Variants in TMIE observed in about 807,000 individuals in gnomAD.
The protein encoded by TMIE is transmembrane inner ear expressed protein.
In TMIE, 14 loss-of-function variants were observed where a neutral mutation model predicts 16.8. That is an observed-to-expected ratio of 0.83 (90% CI 0.55 to 1.30). The LOEUF (loss-of-function observed/expected upper bound fraction) is 1.30. Ranked by LOEUF, TMIE falls within the 50% of genes most tolerant of loss-of-function variation. TMIE has a pLI of 0.00. For missense variants in TMIE, 204 were observed against 205.9 expected, an observed-to-expected ratio of 0.99 and a Z score of 0.06; for synonymous variants, 75 against 87.2, an observed-to-expected ratio of 0.86 and a Z score of 0.78.
intron 1 of TMIE, among the ~76,000 whole-genome samples, chr3:46,705,459 C>T (rs1700539283): frequency 6.6e-6 from 1 of 152,188 alleles, no homozygotes; most frequent in South Asian, 2.1e-4. Flanking sequence ...ACCCCATCTG[C>T]CTGGGTGGAG....
chr3:46,694,421 G>C (rs1447133175), upstream of TMIE: 1 of 152,420 alleles, frequency 6.6e-6, no homozygotes, highest in East Asian at 1.9e-4. Flanking sequence ...CCCGTCAGCA[G>C]CCTGATTCCC....
At chr3:46,701,268 G>T, upstream of TMIE, 1 of 439,464 alleles carries the variant, frequency 2.3e-6, no homozygotes, top group Non-Finnish European at 4.0e-6. The surrounding 1 kb of genome is among the most constrained non-coding windows in gnomAD (Gnocchi z 4.3). Flanking sequence ...CAGGGAGGGG[G>T]AGCCTGCGGC....
At chr3:46,708,218 T>G (rs1026525140) in intron 2 of TMIE, among the ~76,000 whole-genome samples, 1 of 152,198 alleles carries the variant, frequency 6.6e-6, no homozygotes, top group South Asian at 2.1e-4. Flanking sequence ...CTGACTTGGT[T>G]GCATAAAATG....
chr3:46,709,542 C>A, intron 3 of TMIE, 37 bp from the exon 4 acceptor site: 1 of 1,613,736 alleles, frequency 6.2e-7, no homozygotes, highest in Non-Finnish European at 8.5e-7. Context: ...GACCTTGTCT[C>A]ACCACTATCA....
At chr3:46,708,538 G>C (rs1319335745) in intron 2 of TMIE, among the ~76,000 whole-genome samples, 1 of 152,260 alleles carries the variant, frequency 6.6e-6, no homozygotes, top group African/African-American at 2.4e-5. Context: ...GCTGCCCTCA[G>C]CCGGAAAACC....
chr3:46,697,353 G>A (rs1391049608), upstream of TMIE, among the ~76,000 whole-genome samples: 1 of 152,168 alleles, frequency 6.6e-6, no homozygotes, highest in Admixed American at 6.5e-5. Flanking sequence ...CCCCAGAGAG[G>A]GTCCTGCCCT....
In TMIE at chr3:46,701,495, G is replaced by C; in HGVS notation, c.8G>C (p.Gly3Ala). 3 of 1,348,298 alleles carry C rather than the reference G, an allele frequency of 2.2e-6. No homozygotes were observed. The highest frequency in any genetic ancestry group is 2.8e-6 in the Non-Finnish European group (3 of 1,053,848). 83.5% of individuals were successfully genotyped at this position (1,348,298 alleles called of 1,614,324 possible). A position where few individuals can be genotyped will look rare whatever the true frequency, so the allele number is the denominator to read the frequency against. The change falls in exon 1 of 4, where the codon GGG becomes GCG. Residue 3 changes from glycine (G) to alanine (A), a missense_variant. By Grantham distance (60) the Gly-to-Ala change is moderately conservative. Transcript: ENST00000643606. The surrounding 1 kb of genome is among the most constrained non-coding windows in gnomAD (Gnocchi z 4.3). MA[G>A]WPGAGPLCVL... ...CGGCGCGGTGGCACGAAGATGGCGG[G>C]GTGGCCGGGCGCGGGTCCCCTCTGC...
upstream of TMIE, chr3:46,701,285 TC>T: frequency 2.3e-6 from 1 of 428,936 alleles, no homozygotes; most frequent in Non-Finnish European, 4.1e-6. This position sits in a 1 kb window ranked among gnomAD's most constrained non-coding sequence, Gnocchi z 4.3. Context: ...CGGCCCGATC[TC>T]CCGGGAAGGA....
Position 46,710,000 on chromosome 3 carries a change from C to G in TMIE, c.*312C>G, listed in dbSNP as rs1470890053. On this transcript the variant is annotated 3_prime_UTR_variant, in exon 4 of 4. Transcript: ENST00000643606. ...CCACCCAGACCTGCCTGTCTCCCAC[C>G]CTTTCTGCCAGGGATGGCAGTGGCT... is the stretch of plus-strand genomic sequence containing the variant. 1 of 442,284 alleles carries G rather than the reference C, an allele frequency of 2.3e-6. No individual in the cohort carries two copies. Among genetic ancestry groups the G allele is most frequent in the African/African-American group, 2.0e-5 (1 of 49,946 alleles). 27.4% of individuals were successfully genotyped at this position (442,284 alleles called of 1,614,324 possible).
chr3:46,709,230 C>G lies in TMIE; in HGVS notation c.316C>G (p.Leu106Val). The change falls in exon 3 of 4, where the codon CTG (leucine) becomes GTG (valine). Residue 106 changes from leucine to valine, a missense_variant. By Grantham distance (32) the Leu-to-Val change is conservative. Coordinates refer to ENST00000643606, the MANE Select transcript of TMIE (RefSeq NM_147196.3). ...RKAAKMYTDKLETVPPLNELT... is the reference protein window; with the variant it reads ...RKAAKMYTDKVETVPPLNELT... ...GGCAGCCAAGATGTACACAGACAAGCTGGAGACTGTGCCACCCCTCAATGA... is the reference window on the plus strand; with the variant it reads ...GGCAGCCAAGATGTACACAGACAAGGTGGAGACTGTGCCACCCCTCAATGA... The G allele has an allele frequency of 1.2e-6, 2 of 1,614,154 alleles. No individual in the cohort carries two copies. The highest frequency in any genetic ancestry group is 1.1e-5 in the South Asian group (1 of 91,082).
Position 46,709,602 on chromosome 3 carries a change from AAG to A in TMIE, c.387_388del (p.Lys130GlufsTer15), listed in dbSNP as rs1218147591. ...AGAGGATAAGAAGAAGAAGAAGAAG[AAG>A]AAGAAGGACAGTGTGGACACAGTGG... Reference protein sequence around the residue: ...PGEDKKKKKKKKKDSVDTVAI... With the variant: ...PGEDKKKKKKXKKDSVDTVAI... On this transcript the variant is annotated frameshift_variant, in exon 4 of 4. Coordinates refer to ENST00000643606, the MANE Select transcript of TMIE (RefSeq NM_147196.3). LOFTEE classifies it high-confidence loss of function. 1.9e-6 allele frequency: 3 copies of A among 1,613,506 alleles called. No homozygotes were observed. The highest frequency in any genetic ancestry group is 2.5e-6 in the Non-Finnish European group (3 of 1,179,728).
chr3:46,696,916 C>T (rs2106769266), upstream of TMIE, among the ~76,000 whole-genome samples: 1 of 152,220 alleles, frequency 6.6e-6, no homozygotes, highest in Non-Finnish European at 1.5e-5. Context: ...ATATGATGGG[C>T]CCAACTGATT....
rs147730951 is a variant in TMIE at position 46,705,419 on chromosome 3, C to T, written c.94-371C>T. On this transcript the variant is annotated intron_variant, in intron 1 of 3. Coordinates refer to ENST00000643606, the MANE Select transcript of TMIE (RefSeq NM_147196.3). ...AGCCAGTTAGCCAGCACCCCCCAGG[C>T]CTCGCCTTGTCTCTGGCCTTGGTCC... Among the ~76,000 whole-genome samples, 13 of 152,316 alleles carry T rather than the reference C, an allele frequency of 8.5e-5. 1 individual carries two copies. In the East Asian group the frequency reaches 2.5e-3, roughly 29 times the overall value.
rs34599604 is a variant in TMIE, at chr3:46,701,624, AG to A, written c.93+46del. On this transcript the variant is annotated intron_variant, in intron 1 of 3. Transcript: ENST00000643606. The surrounding 1 kb of genome is among the most constrained non-coding windows in gnomAD (Gnocchi z 4.3). ...GGGACTGGGGAGGCTGTCACCCTCC[AG>A]GCAGGGGGCTGGGGGAGAGGGGACG... 8 of 1,255,766 alleles carry A rather than the reference AG, an allele frequency of 6.4e-6. No homozygotes were observed. The highest frequency in any genetic ancestry group is 8.0e-6 in the Non-Finnish European group (8 of 997,644). 77.8% of individuals were successfully genotyped at this position (1,255,766 alleles called of 1,614,324 possible).
At chr3:46,704,251 G>A (rs375133087) in intron 1 of TMIE, among the ~76,000 whole-genome samples, 7 of 150,014 alleles carry the variant, frequency 4.7e-5, no homozygotes, top group African/African-American at 1.7e-4. Flanking sequence ...AGACACCCAG[G>A]GTGGACCATG....
At chr3:46,707,509 T>G (rs1484567677) in intron 2 of TMIE, among the ~76,000 whole-genome samples, 1 of 152,202 alleles carries the variant, frequency 6.6e-6, no homozygotes, top group African/African-American at 2.4e-5. Flanking sequence ...CTTCCCAGTC[T>G]GCCTGGGCTG....
intron 1 of TMIE, among the ~76,000 whole-genome samples, chr3:46,702,706 A>G (rs1233181044): frequency 6.6e-5 from 10 of 151,970 alleles, no homozygotes; most frequent in Non-Finnish European, 1.2e-4. Flanking sequence ...TTATGGGGGG[A>G]CACAGCCCTG....
At chr3:46,698,019 G>T, upstream of TMIE, among the ~76,000 whole-genome samples, 1 of 152,080 alleles carries the variant, frequency 6.6e-6, no homozygotes, top group East Asian at 1.9e-4. Flanking sequence ...ATAGGACAGA[G>T]ATCCAACAAG....
chr3:46,696,543 C>T (rs1700413033), upstream of TMIE, among the ~76,000 whole-genome samples: 1 of 152,144 alleles, frequency 6.6e-6, no homozygotes, highest in South Asian at 2.1e-4. Context: ...CCTAGGCTGC[C>T]CAGCTCCCAC....
Sources: allele counts gnomAD v4.1 joint callset (sites outside exome capture counted in the v4.1 genomes callset), GRCh38; gene constraint gnomAD v4.1.1; non-coding constraint Gnocchi (gnomAD v3.1); transcripts MANE v1.5; gene names NCBI Gene and HGNC (gene_info 2026-07-23, HGNC 2026-07-21).